AGBL1: variants seen among roughly 807,000 people sequenced by gnomAD.
The protein encoded by AGBL1 is AGBL carboxypeptidase 1, also known as cytosolic carboxypeptidase 4.
Under a neutral mutation model 118.9 loss-of-function variants are expected in AGBL1, and 130 were observed. The ratio of observed to expected loss-of-function variants is 1.09; its 90% CI spans 0.95 to 1.26. The LOEUF is 1.26. Among genes scored for constraint, AGBL1 ranks in the 50% most tolerant of loss-of-function variants. The probability of loss-of-function intolerance (pLI) is 0.00; values close to 1 mark genes in which losing one functional copy is unlikely to be tolerated. For synonymous variants in AGBL1, 555 were observed against 478.9 expected (o/e 1.16, Z -2.08); for missense variants, 1,584 against 1,298.1 (o/e 1.22, Z -3.38).
Position 86,907,673 on chromosome 15 carries a change from C to A in AGBL1, c.*379C>A, listed in dbSNP as rs2080299559. 1 of 152,158 alleles carries A rather than the reference C, an allele frequency of 6.6e-6. No individual in the cohort carries two copies. Among genetic ancestry groups the A allele is most frequent in the South Asian group, 2.1e-4 (1 of 4,826 alleles). The allele number at this position is 152,158 out of a possible 1,614,324, so 9.4% of individuals were successfully genotyped here. On this transcript the variant is annotated 3_prime_UTR_variant, in exon 23 of 23. Transcript: ENST00000614907. ...GTTGGGCTTCTTCTTGGCTTCTCAG[C>A]CAGAATTCTAAGTGGTTATTTAAGT...
chr15:86,354,931 C>T (rs1035130127), intron 17 of AGBL1, among the ~76,000 whole-genome samples: 1 of 152,186 alleles, frequency 6.6e-6, no homozygotes, highest in Non-Finnish European at 1.5e-5. Context: ...AAGCATGAAA[C>T]AAACTTGATG....
At chr15:86,399,747 A>G (rs540944814) in intron 18 of AGBL1, among the ~76,000 whole-genome samples, 4 of 152,306 alleles carry the variant, frequency 2.6e-5, no homozygotes, top group African/African-American at 9.6e-5. Context: ...CTGGACACAC[A>G]TTATTTCCAG....
chr15:86,439,495 AT>A (rs569293640), intron 18 of AGBL1, among the ~76,000 whole-genome samples: 1 of 152,132 alleles, frequency 6.6e-6, no homozygotes, highest in Non-Finnish European at 1.5e-5. Context: ...AACAATGTTC[AT>A]TTTTTTATTC....
chr15:86,762,591 C>G (rs1175729520), intron 22 of AGBL1, among the ~76,000 whole-genome samples: 1 of 151,954 alleles, frequency 6.6e-6, no homozygotes, highest in Non-Finnish European at 1.5e-5. Context: ...GAAGCCCTGA[C>G]TGGTAGGCTC....
At chr15:86,118,585 G>A (rs1897908704) in intron 1 of AGBL1, among the ~76,000 whole-genome samples, 1 of 152,006 alleles carries the variant, frequency 6.6e-6, no homozygotes, top group African/African-American at 2.4e-5. Context: ...TTAAAAATAT[G>A]CTCATAAAAA....
rs552335486 is a variant in AGBL1 at position 86,330,537 on chromosome 15, A to T, written c.2374+35129A>T. Among the ~76,000 whole-genome samples the T allele has an allele frequency of 3.3e-5, 5 of 152,366 alleles. No homozygotes were observed. The South Asian group carries it at 8.3e-4, about 25-fold the overall frequency. On this transcript the variant is annotated intron_variant, in intron 17 of 22. Transcript: ENST00000614907. ...GAAGTGCCAGCATCCCCAGATGAGAAGGAAACAGTGCAATAATTCTGACAC... is the reference window on the plus strand; with the variant it reads ...GAAGTGCCAGCATCCCCAGATGAGATGGAAACAGTGCAATAATTCTGACAC...
intron 20 of AGBL1, among the ~76,000 whole-genome samples, chr15:86,550,343 C>A (rs2142262313): frequency 6.6e-6 from 1 of 152,010 alleles, no homozygotes; most frequent in East Asian, 1.9e-4. Flanking sequence ...GGTTGTAAGA[C>A]CAGATTTAAA....
intron 23 of AGBL1, among the ~76,000 whole-genome samples, chr15:86,942,132 TACAC>T (rs1379826854): frequency 7.2e-5 from 11 of 152,274 alleles, no homozygotes; most frequent in Non-Finnish European, 1.0e-4. Flanking sequence ...CCTGTAAACC[TACAC>T]ACACAAACAC....
chr15:86,996,962 A>G (rs2081385814), intron 24 of AGBL1, among the ~76,000 whole-genome samples: 1 of 152,178 alleles, frequency 6.6e-6, no homozygotes, highest in African/African-American at 2.4e-5. Context: ...CACAGAAAAT[A>G]TCCATTATAA....
intron 1 of AGBL1, among the ~76,000 whole-genome samples, chr15:86,116,113 A>G (rs1897741124): frequency 6.6e-6 from 1 of 152,188 alleles, no homozygotes; most frequent in Admixed American, 6.5e-5. Context: ...CCATTGTGCT[A>G]TGTTATTTGC....
intron 21 of AGBL1, among the ~76,000 whole-genome samples, chr15:86,639,745 A>G (rs1455000401): frequency 3.9e-5 from 6 of 152,182 alleles, no homozygotes; most frequent in African/African-American, 7.2e-5. Context: ...TGGGGAGTGG[A>G]GGAGAGCAAT....
chr15:86,526,542 G>GTATATATATATA lies in AGBL1; in HGVS notation c.2685+3604_2685+3605insATATATATATAT, dbSNP rs1261876704. Among the ~76,000 whole-genome samples, 92 of 41,436 alleles carry GTATATATATATA rather than the reference G, an allele frequency of 2.2e-3. 1 individual carries two copies. Among genetic ancestry groups the GTATATATATATA allele is most frequent in the African/African-American group, 5.7e-3 (88 of 15,516 alleles). 27.2% of individuals were successfully genotyped at this position (41,436 alleles called of 152,430 possible). ...TATGCACACAGATATGTTTGTGTCT[G>GTATATATATATA]TGTATATATATATATATATATATAT... On this transcript the variant is annotated intron_variant, in intron 19 of 22. Coordinates refer to ENST00000614907, the MANE Select transcript of AGBL1 (RefSeq NM_001386094.1).
chr15:86,147,095 G>C (rs765076613), intron 3 of AGBL1, among the ~76,000 whole-genome samples: 1 of 152,148 alleles, frequency 6.6e-6, no homozygotes, highest in Admixed American at 6.5e-5. Context: ...CTAGCTGTCA[G>C]GTTATTTGGA....
intron 18 of AGBL1, among the ~76,000 whole-genome samples, chr15:86,474,864 C>T (rs12907813): frequency 0.38 from 57,971 of 151,500 alleles, 11,912 homozygotes; most frequent in Middle Eastern, 0.53. Flanking sequence ...CCAGGTACCC[C>T]TCTGAGACGA....
At chr15:86,459,349 G>T (rs187034946) in intron 18 of AGBL1, among the ~76,000 whole-genome samples, 6 of 152,220 alleles carry the variant, frequency 3.9e-5, no homozygotes, top group Admixed American at 3.9e-4. Flanking sequence ...ATGCTTGAGG[G>T]AAACCGAAGC....
chr15:86,866,579 T>G (rs866942426), intron 22 of AGBL1, among the ~76,000 whole-genome samples: 2 of 152,094 alleles, frequency 1.3e-5, no homozygotes, highest in Non-Finnish European at 2.9e-5. Flanking sequence ...TCTGGCCGGG[T>G]GTGGTGGCTC....
intron 5 of AGBL1, among the ~76,000 whole-genome samples, chr15:86,161,468 G>T (rs539357563): frequency 6.6e-6 from 1 of 152,256 alleles, no homozygotes; most frequent in Admixed American, 6.5e-5. Context: ...GAGAGAGCTG[G>T]GATTTAAACC....
At chr15:86,276,833 A>G (rs1396515565) in intron 15 of AGBL1, among the ~76,000 whole-genome samples, 1 of 152,236 alleles carries the variant, frequency 6.6e-6, no homozygotes, top group Non-Finnish European at 1.5e-5. Context: ...CTGGGAAACG[A>G]AAAGAACTTG....
chr15:86,805,535 A>G (rs1194477985), intron 22 of AGBL1, among the ~76,000 whole-genome samples: 2 of 152,226 alleles, frequency 1.3e-5, no homozygotes, highest in East Asian at 3.9e-4. Context: ...TGTGCACAAT[A>G]GGAAGAGGGT....
Sources: allele counts gnomAD v4.1 joint callset (sites outside exome capture counted in the v4.1 genomes callset), GRCh38; gene constraint gnomAD v4.1.1; transcripts MANE v1.5; gene names NCBI Gene and HGNC (gene_info 2026-07-23, HGNC 2026-07-21).